The following SAMD12 variants were observed in gnomAD, a reference collection of about 807,000 sequenced individuals.
The protein encoded by SAMD12 is sterile alpha motif domain-containing protein 12.
A neutral mutation model predicts 15.0 loss-of-function variants in SAMD12; 9 were observed. That is an observed-to-expected ratio of 0.60 (90% CI 0.36 to 1.05). The LOEUF (loss-of-function observed/expected upper bound fraction) is 1.05, where lower values mean the gene tolerates loss of function less well. Ranked by LOEUF, SAMD12 falls within the 50% of genes least tolerant of loss-of-function variation. SAMD12 has a pLI of 0.01. For missense variants in SAMD12, 230 were observed against 234.2 expected, an observed-to-expected ratio of 0.98 and a Z score of 0.12; for synonymous variants, 86 against 90.1, an observed-to-expected ratio of 0.96 and a Z score of 0.25.
intron 2 of SAMD12, among the ~76,000 whole-genome samples, chr8:118,479,833 T>C (rs1024529441): frequency 1.3e-5 from 2 of 152,044 alleles, no homozygotes; most frequent in African/African-American, 4.8e-5. Flanking sequence ...GTGGGTATGT[T>C]TGTCATTTGT....
At chr8:118,148,370 T>C in the SAMD12 span, among the ~76,000 whole-genome samples, 1 of 152,212 alleles carries the variant, frequency 6.6e-6, no homozygotes, top group African/African-American at 2.4e-5. Context: ...ACTATTAATT[T>C]TGGGTATGTA....
intron 4 of SAMD12, among the ~76,000 whole-genome samples, chr8:118,324,558 C>T (rs1273811052): frequency 6.6e-6 from 1 of 152,030 alleles, no homozygotes; most frequent in African/African-American, 2.4e-5. Flanking sequence ...AGACACCATG[C>T]CTACCCTTGA....
At chr8:118,426,227 A>G (rs972906842) in intron 3 of SAMD12, among the ~76,000 whole-genome samples, 1 of 152,172 alleles carries the variant, frequency 6.6e-6, no homozygotes, top group African/African-American at 2.4e-5. Context: ...ACTGTTCTAA[A>G]TATTGTCCGG....
intron 2 of SAMD12, among the ~76,000 whole-genome samples, chr8:118,562,698 A>G (rs1187223186): frequency 6.6e-6 from 1 of 152,252 alleles, no homozygotes; most frequent in African/African-American, 2.4e-5. Context: ...GATGCAGTAA[A>G]TACTGGAAGT....
At chr8:118,350,503 G>T (rs868249166) in intron 4 of SAMD12, among the ~76,000 whole-genome samples, 19 of 152,116 alleles carry the variant, frequency 1.2e-4, no homozygotes, top group Non-Finnish European at 2.8e-4. Context: ...AATTACAGAA[G>T]AACCTACTTC....
At chr8:118,208,918 C>T (rs750562104) in intron 4 of SAMD12, among the ~76,000 whole-genome samples, 15 of 152,146 alleles carry the variant, frequency 9.9e-5, no homozygotes, top group Non-Finnish European at 2.1e-4. Context: ...AGGGAGGGCT[C>T]AAGGCTTCTC....
chr8:118,476,841 T>G (rs1008811012), intron 2 of SAMD12, among the ~76,000 whole-genome samples: 2 of 152,158 alleles, frequency 1.3e-5, no homozygotes, highest in Non-Finnish European at 2.9e-5. Context: ...AAAACGGCAT[T>G]TGTTTCTTTA....
chr8:118,274,626 T>C (rs951907383), intron 4 of SAMD12, among the ~76,000 whole-genome samples: 1 of 152,202 alleles, frequency 6.6e-6, no homozygotes, highest in South Asian at 2.1e-4. Flanking sequence ...TACTTTTCTT[T>C]ACAATTTACA....
chr8:118,416,592 T>C (rs1430855405), intron 3 of SAMD12, among the ~76,000 whole-genome samples: 2 of 152,128 alleles, frequency 1.3e-5, no homozygotes, highest in Non-Finnish European at 2.9e-5. Context: ...TACGTGAAAA[T>C]CAAACCATCC....
chr8:118,134,734 T>C, the SAMD12 span, among the ~76,000 whole-genome samples: 1 of 152,214 alleles, frequency 6.6e-6, no homozygotes, highest in Non-Finnish European at 1.5e-5. Flanking sequence ...TACTCATTAG[T>C]CTGCTGCTAA....
At chr8:118,298,357 C>T (rs535909528) in intron 4 of SAMD12, among the ~76,000 whole-genome samples, 93 of 152,294 alleles carry the variant, frequency 6.1e-4, no homozygotes, top group African/African-American at 1.7e-3. Flanking sequence ...TAAGTGCATA[C>T]ATGCTCAGAG....
chr8:118,142,074 T>C, the SAMD12 span, among the ~76,000 whole-genome samples: 1 of 152,166 alleles, frequency 6.6e-6, no homozygotes, highest in Non-Finnish European at 1.5e-5. Context: ...TCTCACTACA[T>C]AGCTGGAGGT....
intron 4 of SAMD12, among the ~76,000 whole-genome samples, chr8:118,213,823 G>C (rs1173965410): frequency 6.6e-6 from 1 of 152,150 alleles, no homozygotes; most frequent in African/African-American, 2.4e-5. Flanking sequence ...AAGGCTTATG[G>C]AGCTCCTAAA....
chr8:118,436,327 T>C (rs1339176333), intron 3 of SAMD12, among the ~76,000 whole-genome samples: 1 of 152,192 alleles, frequency 6.6e-6, no homozygotes, highest in African/African-American at 2.4e-5. Context: ...TTAAGATAAA[T>C]ATTATTTTAC....
the SAMD12 span, among the ~76,000 whole-genome samples, chr8:118,171,728 ATTTTTT>A: frequency 2.2e-5 from 3 of 136,232 alleles, no homozygotes; most frequent in East Asian, 2.2e-4. Context: ...TGGGTACAGG[ATTTTTT>A]TTTTTTTTTT....
chr8:118,167,890 G>A, the SAMD12 span, among the ~76,000 whole-genome samples: 1 of 152,070 alleles, frequency 6.6e-6, no homozygotes, highest in Non-Finnish European at 1.5e-5. Context: ...TGGCTGGGGA[G>A]CATTGACATC....
intron 4 of SAMD12, among the ~76,000 whole-genome samples, chr8:118,283,557 C>T (rs183850182): frequency 2.0e-5 from 3 of 152,272 alleles, no homozygotes; most frequent in Non-Finnish European, 2.9e-5. Context: ...CAATCTGAAT[C>T]GGCACATAAG....
intron 4 of SAMD12, among the ~76,000 whole-genome samples, chr8:118,208,135 T>G (rs1232723942): frequency 6.6e-6 from 1 of 152,102 alleles, no homozygotes; most frequent in Non-Finnish European, 1.5e-5. Context: ...TGCATGCCTG[T>G]AATCCCAGCT....
chr8:118,426,925 T>C (rs1339443415), intron 3 of SAMD12, among the ~76,000 whole-genome samples: 1 of 152,216 alleles, frequency 6.6e-6, no homozygotes, highest in East Asian at 1.9e-4. Context: ...TTTGCAAAAA[T>C]GCTTTCTGCA....
Sources: allele counts gnomAD v4.1 joint callset (sites outside exome capture counted in the v4.1 genomes callset), GRCh38; gene constraint gnomAD v4.1.1; transcripts MANE v1.5; gene names NCBI Gene and HGNC (gene_info 2026-07-23, HGNC 2026-07-21).